The following GRM3 variants were observed in gnomAD, a reference collection of about 807,000 sequenced individuals.
GRM3 encodes metabotropic glutamate receptor 3.
GRM3 carries 26 observed loss-of-function variants against 70.5 expected under a neutral mutation model. The ratio of observed to expected loss-of-function variants is 0.37; its 90% CI spans 0.27 to 0.51. GRM3 has a LOEUF of 0.51. Ranked by LOEUF, GRM3 falls within the 20% of genes least tolerant of loss-of-function variation. The pLI is 0.93. For synonymous variants in GRM3, 443 were observed against 434.9 expected (o/e 1.02, Z -0.23); for missense variants, 859 against 1,123.8 (o/e 0.76, Z 3.37).
chr7:86,772,868 T>C (rs1342316544), intron 2 of GRM3, among the ~76,000 whole-genome samples: 1 of 152,090 alleles, frequency 6.6e-6, no homozygotes, highest in African/African-American at 2.4e-5. Flanking sequence ...ATGTTACAAT[T>C]GTACATTTTT....
chr7:86,782,963 C>T (rs546370609), intron 2 of GRM3, among the ~76,000 whole-genome samples: 129 of 152,268 alleles, frequency 8.5e-4, no homozygotes, highest in Non-Finnish European at 1.5e-3. Flanking sequence ...CAAAATTTTA[C>T]ATTACTTCTC....
intron 3 of GRM3, among the ~76,000 whole-genome samples, chr7:86,787,980 A>C (rs1209971171): frequency 6.6e-6 from 1 of 152,230 alleles, no homozygotes; most frequent in Non-Finnish European, 1.5e-5. Flanking sequence ...TTATTAAGGC[A>C]CTTGTTCTGG....
At chr7:86,750,276 C>A (rs1796199548) in intron 1 of GRM3, among the ~76,000 whole-genome samples, 1 of 152,088 alleles carries the variant, frequency 6.6e-6, no homozygotes, top group South Asian at 2.1e-4. Context: ...AACTAATTTA[C>A]ACAAAGCTTT....
At chr7:86,759,804 C>T (rs1006678469) in intron 1 of GRM3, among the ~76,000 whole-genome samples, 1 of 152,074 alleles carries the variant, frequency 6.6e-6, no homozygotes, top group Non-Finnish European at 1.5e-5. Flanking sequence ...TGATGAGCTA[C>T]TCATAATAGC....
At chr7:86,646,105 T>C (rs1435163455) in intron 1 of GRM3, among the ~76,000 whole-genome samples, 2 of 151,488 alleles carry the variant, frequency 1.3e-5, no homozygotes, top group Non-Finnish European at 2.9e-5. Flanking sequence ...TTTGCAGAAG[T>C]ATATTCAATA....
intron 1 of GRM3, among the ~76,000 whole-genome samples, chr7:86,671,150 C>T (rs1217461905): frequency 5.3e-5 from 8 of 152,190 alleles, no homozygotes; most frequent in Admixed American, 4.6e-4. Flanking sequence ...CTTGCCTCAG[C>T]CTCCTGAGCA....
chr7:86,647,734 A>G (rs896571855), intron 1 of GRM3, among the ~76,000 whole-genome samples: 4 of 152,238 alleles, frequency 2.6e-5, no homozygotes, highest in African/African-American at 9.6e-5. Context: ...AAGTCTGAAC[A>G]CATAAAATGA....
intron 1 of GRM3, among the ~76,000 whole-genome samples, chr7:86,678,674 T>A (rs116157409): frequency 2.0e-5 from 3 of 152,076 alleles, no homozygotes; most frequent in African/African-American, 7.2e-5. Flanking sequence ...AATCTGCACA[T>A]GGACAAGTAC....
Position 86,786,927 on chromosome 7 carries a change from A to G in GRM3, c.1135A>G (p.Ile379Val). ...GCGCGTCTGCGACAAGCACCTGGCC[A>G]TCGACAGCAGCAACTACGAGCAAGA... ...HRRVCDKHLAIDSSNYEQESK... is the reference protein window; with the variant it reads ...HRRVCDKHLAVDSSNYEQESK... The change falls in exon 3 of 6, where the codon ATC (isoleucine) becomes GTC (valine). Residue 379 changes from isoleucine to valine, a missense_variant. Transcript: ENST00000361669. The surrounding 1 kb of genome is among the most constrained non-coding windows in gnomAD (Gnocchi z 6.0). 3 of 1,614,206 alleles carry G rather than the reference A, an allele frequency of 1.9e-6. No homozygotes were observed. The highest frequency in any genetic ancestry group is 1.1e-5 in the South Asian group (1 of 91,088).
At chr7:86,683,014 G>A (rs1022983683) in intron 1 of GRM3, among the ~76,000 whole-genome samples, 2 of 152,140 alleles carry the variant, frequency 1.3e-5, no homozygotes, top group South Asian at 4.1e-4. Context: ...TTTCAGATTT[G>A]AACTGAACAA....
intron 3 of GRM3, among the ~76,000 whole-genome samples, chr7:86,822,139 TC>T (rs1798134363): frequency 6.6e-6 from 1 of 152,118 alleles, no homozygotes; most frequent in African/African-American, 2.4e-5. Context: ...TATTTTTTTT[TC>T]TTTCAATATT....
At chr7:86,666,155 C>T (rs1314484140) in intron 1 of GRM3, among the ~76,000 whole-genome samples, 1 of 152,022 alleles carries the variant, frequency 6.6e-6, no homozygotes, top group Non-Finnish European at 1.5e-5. Context: ...TTAAGCTTCA[C>T]TTAATAAGCA....
chr7:86,725,121 C>A (rs1795561695), intron 1 of GRM3, among the ~76,000 whole-genome samples: 1 of 152,116 alleles, frequency 6.6e-6, no homozygotes, highest in African/African-American at 2.4e-5. Context: ...TCTTTAATTT[C>A]ATGGCTATAA....
chr7:86,851,152 T>C (rs1223634357), intron 5 of GRM3, among the ~76,000 whole-genome samples: 2 of 152,270 alleles, frequency 1.3e-5, no homozygotes, highest in South Asian at 2.1e-4. Flanking sequence ...TAAAATACTT[T>C]TAAAAATATT....
At chr7:86,700,587 A>G (rs1794925210) in intron 1 of GRM3, among the ~76,000 whole-genome samples, 1 of 151,914 alleles carries the variant, frequency 6.6e-6, no homozygotes, top group African/African-American at 2.4e-5. Flanking sequence ...GCATGAGCAA[A>G]AATTGCCCCA....
At chr7:86,707,530 A>T (rs1020521898) in intron 1 of GRM3, among the ~76,000 whole-genome samples, 5 of 151,982 alleles carry the variant, frequency 3.3e-5, no homozygotes, top group African/African-American at 1.2e-4. Context: ...TCTGACATCA[A>T]CTTGCTTCAT....
intron 3 of GRM3, among the ~76,000 whole-genome samples, chr7:86,794,906 A>G (rs2116594015): frequency 6.6e-6 from 1 of 152,058 alleles, no homozygotes; most frequent in Admixed American, 6.5e-5. Flanking sequence ...CAATTTTACT[A>G]GCACAGAGTT....
chr7:86,660,683 A>T (rs1793870521), intron 1 of GRM3, among the ~76,000 whole-genome samples: 1 of 151,936 alleles, frequency 6.6e-6, no homozygotes, highest in South Asian at 2.1e-4. Flanking sequence ...TTGAATATCA[A>T]CTAGGCTATG....
intron 1 of GRM3, among the ~76,000 whole-genome samples, chr7:86,651,544 G>T (rs1793605957): frequency 6.6e-6 from 1 of 152,146 alleles, no homozygotes; most frequent in Non-Finnish European, 1.5e-5. Flanking sequence ...AGGATATCTA[G>T]AGAGTATAAT....
Sources: gnomAD v4.1 joint callset for allele counts (sites outside exome capture counted in the v4.1 genomes callset) on GRCh38, gnomAD v4.1.1 for gene constraint, Gnocchi (gnomAD v3.1) non-coding constraint, MANE v1.5 for transcripts, NCBI Gene and HGNC (gene_info 2026-07-23, HGNC 2026-07-21) for gene names.